Variants in TBC1D5 observed in about 807,000 individuals in gnomAD.
TBC1D5 encodes the protein TBC1 domain family, member 5.
A neutral mutation model predicts 100.3 loss-of-function variants in TBC1D5; 75 were observed. The ratio of observed to expected loss-of-function variants is 0.75; its 90% CI spans 0.62 to 0.91. The LOEUF is 0.91. TBC1D5 is among the 40% of genes least tolerant of loss of function. The probability of loss-of-function intolerance (pLI) is 0.00; values close to 1 mark genes in which losing one functional copy is unlikely to be tolerated. For synonymous variants in TBC1D5, 323 were observed against 325.6 expected, an observed-to-expected ratio of 0.99 and a Z score of 0.09; for missense variants, 910 against 942.4, an observed-to-expected ratio of 0.97 and a Z score of 0.45.
intron 3 of TBC1D5, among the ~76,000 whole-genome samples, chr3:17,472,697 A>AAT (rs1207057312): frequency 6.6e-6 from 1 of 152,234 alleles, no homozygotes; most frequent in Non-Finnish European, 1.5e-5. Context: ...CAGCATCTAT[A>AAT]ATATATCTTG....
intron 2 of TBC1D5, among the ~76,000 whole-genome samples, chr3:17,538,265 CAGAT>C (rs554212369): frequency 1.2e-3 from 187 of 152,250 alleles, no homozygotes; most frequent in South Asian, 3.9e-3. Flanking sequence ...AGTCTCCTAA[CAGAT>C]AGAAAACACT....
intron 4 of TBC1D5, among the ~76,000 whole-genome samples, chr3:17,425,336 T>TA (rs1036331086): frequency 6.6e-6 from 1 of 152,290 alleles, no homozygotes; most frequent in African/African-American, 2.4e-5. Context: ...ACATTGTTTT[T>TA]AAAAAACAGA....
intron 3 of TBC1D5, among the ~76,000 whole-genome samples, chr3:17,497,332 T>C (rs1162993722): frequency 6.6e-6 from 1 of 152,226 alleles, no homozygotes; most frequent in East Asian, 1.9e-4. Flanking sequence ...CTTCTCAATG[T>C]TTGTCCATCT....
intron 3 of TBC1D5, among the ~76,000 whole-genome samples, chr3:17,478,468 C>T (rs1221288181): frequency 1.3e-5 from 2 of 152,034 alleles, no homozygotes; most frequent in African/African-American, 4.8e-5. Flanking sequence ...TATAACTTTC[C>T]TTAATTTCTT....
intron 8 of TBC1D5, among the ~76,000 whole-genome samples, chr3:17,389,363 GAA>G (rs1379475723): frequency 6.6e-6 from 1 of 152,088 alleles, no homozygotes; most frequent in African/African-American, 2.4e-5. Flanking sequence ...ATAGAAAGAT[GAA>G]AGAGTCTGAC....
At chr3:17,526,818 G>A (rs1201558806) in intron 2 of TBC1D5, among the ~76,000 whole-genome samples, 1 of 152,180 alleles carries the variant, frequency 6.6e-6, no homozygotes, top group African/African-American at 2.4e-5. Flanking sequence ...GGCACCTACA[G>A]TTGAAAATGA....
At chr3:17,256,384 T>TTA (rs925605324) in intron 16 of TBC1D5, among the ~76,000 whole-genome samples, 7 of 147,966 alleles carry the variant, frequency 4.7e-5, no homozygotes, top group Admixed American at 1.4e-4. Flanking sequence ...CTCAATGTGT[T>TTA]TATATATATA....
chr3:17,598,424 C>G (rs2153583266), intron 2 of TBC1D5, among the ~76,000 whole-genome samples: 1 of 152,308 alleles, frequency 6.6e-6, no homozygotes, highest in African/African-American at 2.4e-5. Context: ...CTGTTCATAA[C>G]TTTGTTTTAT....
chr3:17,258,979 G>A (rs1465535543), intron 15 of TBC1D5, among the ~76,000 whole-genome samples: 2 of 152,076 alleles, frequency 1.3e-5, no homozygotes, highest in Non-Finnish European at 2.9e-5. Flanking sequence ...TGCATTTCGG[G>A]GGAAGAGAAA....
chr3:17,216,259 C>G (rs143591618), intron 17 of TBC1D5, among the ~76,000 whole-genome samples: 217 of 152,196 alleles, frequency 1.4e-3, no homozygotes, highest in African/African-American at 5.0e-3. Context: ...ACATCATGCT[C>G]TTCTCAGGGT....
chr3:17,308,077 G>T, exon 14 of TBC1D5: 1 of 1,610,272 alleles, frequency 6.2e-7, no homozygotes. Context: ...AGGCATCCCA[G>T]ACCACCAGAA....
chr3:17,292,145 A>T, intron 14 of TBC1D5, 144 bp from the exon 15 acceptor site: 1 of 682,970 alleles, frequency 1.5e-6, no homozygotes, highest in Non-Finnish European at 2.4e-6. Flanking sequence ...GGAAGAAGGG[A>T]TCTTTACCAA....
At chr3:17,211,802 A>G (rs1195350582) in intron 18 of TBC1D5, among the ~76,000 whole-genome samples, 1 of 152,176 alleles carries the variant, frequency 6.6e-6, no homozygotes, top group Non-Finnish European at 1.5e-5. Context: ...GTGGAATTTT[A>G]GGAGGGAACA....
Position 17,575,589 on chromosome 3 carries a change from G to C in TBC1D5, c.-36+48260C>G, listed in dbSNP as rs150462264. 7.9e-5 allele frequency among the ~76,000 whole-genome samples: 12 copies of C among 152,188 alleles called. No individual in the cohort carries two copies. The East Asian group carries it at 1.9e-3, about 25-fold the overall frequency. ...ACACAAGGAAAGGGATGGCTGAAAA[G>C]ATGAACAGCAGGAAATAACCTGCCT... is the stretch of plus-strand genomic sequence containing the variant. On this transcript the variant is annotated intron_variant, in intron 2 of 21. Coordinates refer to ENST00000253692, the Ensembl canonical transcript of TBC1D5.
Position 17,562,897 on chromosome 3 carries a change from A to T in TBC1D5, c.-35-54292T>A, listed in dbSNP as rs149006539. Among the ~76,000 whole-genome samples the T allele has an allele frequency of 1.4e-3, 207 of 152,356 alleles. 1 individual carries two copies. The highest frequency in any genetic ancestry group is 4.8e-3 in the African/African-American group (200 of 41,590). The stretch of plus-strand genomic sequence containing the variant: ...AAGTCTATGTAGATTGTCTGAGAAT[A>T]CCTACAATTTTTAAAAGAATAATGA... On this transcript the variant is annotated intron_variant, in intron 2 of 21. Transcript: ENST00000253692.
chr3:17,407,211 G>A (rs1285309046), intron 4 of TBC1D5, among the ~76,000 whole-genome samples: 1 of 152,064 alleles, frequency 6.6e-6, no homozygotes, highest in Non-Finnish European at 1.5e-5. Context: ...CAGACACCAG[G>A]GGCCTAACAC....
At chr3:17,461,134 G>A (rs1449091739) in intron 3 of TBC1D5, among the ~76,000 whole-genome samples, 7 of 152,164 alleles carry the variant, frequency 4.6e-5, no homozygotes, top group Non-Finnish European at 8.8e-5. Context: ...TTCCAGCACA[G>A]TATATGACAA....
At chr3:17,727,863 G>A (rs1249252496) in intron 1 of TBC1D5, among the ~76,000 whole-genome samples, 16 of 152,130 alleles carry the variant, frequency 1.1e-4, no homozygotes, top group Admixed American at 9.8e-4. Flanking sequence ...TGCCTGTTTC[G>A]CTTATGAATG....
intron 3 of TBC1D5, among the ~76,000 whole-genome samples, chr3:17,441,494 A>C (rs1485057224): frequency 1.3e-5 from 2 of 152,192 alleles, no homozygotes; most frequent in Non-Finnish European, 2.9e-5. Flanking sequence ...GCAAAGCACA[A>C]AGGCACTACT....
Sources: allele counts gnomAD v4.1 joint callset (sites outside exome capture counted in the v4.1 genomes callset), GRCh38; gene constraint gnomAD v4.1.1; transcripts MANE v1.5; gene names NCBI Gene and HGNC (gene_info 2026-07-23, HGNC 2026-07-21).